The following SH3KBP1 variants were observed in gnomAD, a reference collection of about 807,000 sequenced individuals.
SH3KBP1 encodes the protein SH3 domain-containing kinase-binding protein 1.
A neutral mutation model predicts 50.1 loss-of-function variants in SH3KBP1; 8 were observed. That is an observed-to-expected ratio of 0.16 (90% confidence interval 0.09 to 0.29). SH3KBP1 has a LOEUF of 0.29. SH3KBP1 is among the 10% of genes least tolerant of loss of function. The pLI, the probability that SH3KBP1 is intolerant of heterozygous loss-of-function variation, is 1.00. For synonymous variants in SH3KBP1, 227 were observed against 218.6 expected (o/e 1.04, Z -0.34); for missense variants, 377 against 535.2 (o/e 0.70, Z 2.92).
At chrX:19,592,721 C>A (rs2066787752) in intron 10 of SH3KBP1, among the ~76,000 whole-genome samples, 1 of 111,980 alleles carries the variant, frequency 8.9e-6, no homozygotes, top group African/African-American at 3.2e-5. Flanking sequence ...TCATAAAAGT[C>A]CCTGTAGTTT....
intron 3 of SH3KBP1, among the ~76,000 whole-genome samples, chrX:19,719,200 C>T (rs184522534): frequency 1.8e-4 from 20 of 111,342 alleles, no homozygotes; most frequent in Admixed American, 1.3e-3. Flanking sequence ...AGCTCTTTCA[C>T]GCACATCTGT....
chrX:19,805,599 A>G lies in SH3KBP1; in HGVS notation c.162+30526T>C, dbSNP rs1294084783. 3.7e-5 allele frequency among the ~76,000 whole-genome samples: 4 copies of G among 108,450 alleles called. No homozygotes were observed. In the East Asian group the frequency reaches 1.2e-3, roughly 31 times the overall value. 94.2% of individuals were successfully genotyped at this position (108,450 alleles called of 115,157 possible). ...GCCAAGACTCCCAGAAGTTCTCCGA[A>G]CCTGACAGATTTGGGTGCCCCTCAT... On this transcript the variant is annotated intron_variant, in intron 2 of 17. Transcript: ENST00000397821.
intron 13 of SH3KBP1, among the ~76,000 whole-genome samples, chrX:19,554,288 ATATAT>A (rs1269824053): frequency 1.1e-5 from 1 of 88,255 alleles, no homozygotes; most frequent in South Asian, 4.7e-4. Context: ...TCATATTAAA[ATATAT>A]TATATATCAT....
chrX:19,717,467 T>C (rs748816219), intron 3 of SH3KBP1, among the ~76,000 whole-genome samples: 3 of 111,878 alleles, frequency 2.7e-5, no homozygotes, highest in East Asian at 5.6e-4. Flanking sequence ...ACTTGAAAGG[T>C]TGAGGCAGGA....
At chrX:19,810,309 A>G (rs1341452250) in intron 2 of SH3KBP1, among the ~76,000 whole-genome samples, 1 of 112,809 alleles carries the variant, frequency 8.9e-6, no homozygotes, top group Non-Finnish European at 1.9e-5. Flanking sequence ...TTAAAAGGGA[A>G]AAAGAATATA....
Position 19,865,651 on chromosome X carries a change from T to C in SH3KBP1, c.4+21656A>G, listed in dbSNP as rs896070245. Among the ~76,000 whole-genome samples, 3 of 111,982 alleles carry C rather than the reference T, an allele frequency of 2.7e-5. No homozygotes were observed. The East Asian group carries it at 8.3e-4, about 31-fold the overall frequency. On this transcript the variant is annotated intron_variant, in intron 1 of 17. Coordinates refer to ENST00000397821, the MANE Select transcript of SH3KBP1 (RefSeq NM_031892.3). ...TTCCAATGCCAGAACAGTGGGGCCA[T>C]TTAAGCTCTATTTTTAGCAAGTCTC...
At chrX:19,760,614 C>T (rs997972249) in intron 2 of SH3KBP1, among the ~76,000 whole-genome samples, 3 of 110,143 alleles carry the variant, frequency 2.7e-5, no homozygotes. Context: ...CAGTAAGGAG[C>T]AGCTAGATTA....
At chrX:19,817,737 C>G (rs761244390) in intron 2 of SH3KBP1, among the ~76,000 whole-genome samples, 1 of 111,344 alleles carries the variant, frequency 9.0e-6, no homozygotes, top group East Asian at 2.8e-4. Context: ...CAGGTTCAAG[C>G]GATTATCGTG....
chrX:19,566,745 G>A (rs940596745), intron 13 of SH3KBP1, among the ~76,000 whole-genome samples: 3 of 112,260 alleles, frequency 2.7e-5, no homozygotes, highest in Admixed American at 9.4e-5. Flanking sequence ...ATCAGGTTAT[G>A]CTTCCTGACT....
intron 2 of SH3KBP1, among the ~76,000 whole-genome samples, chrX:19,818,579 G>A (rs1477330289): frequency 9.0e-6 from 1 of 111,467 alleles, no homozygotes; most frequent in East Asian, 2.8e-4. Context: ...TCTTTATCAA[G>A]TTGGGGGAAT....
intron 6 of SH3KBP1, chrX:19,670,976 C>G (rs2062779100): frequency 9.1e-6 from 10 of 1,095,134 alleles, no homozygotes; most frequent in Non-Finnish European, 1.2e-5. Context: ...CCAGCCTAAC[C>G]CTGAGTCATA....
At chrX:19,842,331 G>C (rs2068243911) in intron 1 of SH3KBP1, among the ~76,000 whole-genome samples, 1 of 111,638 alleles carries the variant, frequency 9.0e-6, no homozygotes, top group African/African-American at 3.3e-5. Context: ...TTCAAGACCA[G>C]TCTGACCAAC....
chrX:19,681,702 T>A (rs1436458298), intron 6 of SH3KBP1, among the ~76,000 whole-genome samples: 1 of 109,750 alleles, frequency 9.1e-6, no homozygotes, highest in Non-Finnish European at 1.9e-5. Context: ...CCTGTAGGAG[T>A]GTGCATGGCA....
intron 3 of SH3KBP1, among the ~76,000 whole-genome samples, chrX:19,718,624 T>C (rs746638663): frequency 6.5e-4 from 73 of 112,578 alleles, no homozygotes; most frequent in African/African-American, 2.3e-3. Flanking sequence ...CTTACCTTTC[T>C]GATCACACTT....
At chrX:19,859,608 G>C (rs1389102567) in intron 1 of SH3KBP1, among the ~76,000 whole-genome samples, 2 of 111,998 alleles carry the variant, frequency 1.8e-5, no homozygotes, top group African/African-American at 6.5e-5. Flanking sequence ...ATACCATCCT[G>C]CCTGGCTCTG....
intron 9 of SH3KBP1, among the ~76,000 whole-genome samples, chrX:19,599,393 A>G (rs970876816): frequency 1.8e-5 from 2 of 112,607 alleles, no homozygotes; most frequent in African/African-American, 3.2e-5. Context: ...AGAGAGGAAA[A>G]TGTTGCACTA....
intron 13 of SH3KBP1, among the ~76,000 whole-genome samples, chrX:19,555,779 C>T (rs1192856274): frequency 1.8e-5 from 2 of 111,757 alleles, no homozygotes; most frequent in African/African-American, 6.5e-5. Context: ...GTGTACAGCC[C>T]CCATCTGAGT....
intron 16 of SH3KBP1, among the ~76,000 whole-genome samples, chrX:19,538,009 C>T (rs185038608): frequency 3.6e-5 from 4 of 111,243 alleles, no homozygotes; most frequent in Admixed American, 9.6e-5. Flanking sequence ...CTGGTGGGTG[C>T]GGAAGTGACC....
intron 3 of SH3KBP1, among the ~76,000 whole-genome samples, chrX:19,725,382 G>A (rs1213145270): frequency 9.0e-6 from 1 of 110,504 alleles, no homozygotes; most frequent in East Asian, 2.8e-4. Context: ...GAGGTAGAAG[G>A]ATTGCTTGAG....
Sources: allele counts gnomAD v4.1 joint callset (sites outside exome capture counted in the v4.1 genomes callset), GRCh38; gene constraint gnomAD v4.1.1; transcripts MANE v1.5; gene names NCBI Gene and HGNC (gene_info 2026-07-23, HGNC 2026-07-21).